The following CERS4 variants were observed in gnomAD, a reference collection of about 807,000 sequenced individuals.
CERS4 encodes ceramide synthase 4, also known as LAG1 homolog, ceramide synthase 4.
CERS4 carries 65 observed loss-of-function variants against 51.8 expected under a neutral mutation model. The ratio of observed to expected loss-of-function variants is 1.26; its 90% CI spans 1.03 to 1.54. The LOEUF (loss-of-function observed/expected upper bound fraction) is 1.54. Ranked by LOEUF, CERS4 falls within the 40% of genes most tolerant of loss-of-function variation. CERS4 has a pLI of 0.00. For synonymous variants in CERS4, 228 were observed against 208.4 expected, an observed-to-expected ratio of 1.09 and a Z score of -0.81; for missense variants, 563 against 500.4, an observed-to-expected ratio of 1.13 and a Z score of -1.19.
At chr19:8,260,009 T>A (rs36253) in intron 10 of CERS4, among the ~76,000 whole-genome samples, 1 of 151,606 alleles carries the variant, frequency 6.6e-6, no homozygotes, top group Non-Finnish European at 1.5e-5. Flanking sequence ...TAGGCAGAAG[T>A]GGCTGTGAGA....
intron 2 of CERS4, 167 bp from the exon 3 acceptor site, chr19:8,250,908 TC>T: frequency 5.5e-6 from 8 of 1,445,870 alleles, no homozygotes; most frequent in South Asian, 3.1e-5. Context: ...AGAGGACAGT[TC>T]CAAAGTCCCA....
In CERS4 at chr19:8,222,479, C is replaced by A. The variant is rs887853442; in HGVS notation, c.-2+11617C>A. On this transcript the variant is annotated intron_variant, in intron 2 of 11. Transcript: ENST00000251363. ...ACAGGCGTGAGTCACTGTGCCTGGC[C>A]AGCATGAGCCTTTTTTATTTATTTA... Among the ~76,000 whole-genome samples, 3 of 151,652 alleles carry A rather than the reference C, an allele frequency of 2.0e-5. No homozygotes were observed. In the South Asian group the frequency reaches 6.2e-4, roughly 32 times the overall value.
chr19:8,221,186 C>T (rs1967525839), intron 2 of CERS4, among the ~76,000 whole-genome samples: 2 of 149,048 alleles, frequency 1.3e-5, no homozygotes, highest in African/African-American at 5.0e-5. Context: ...TCAGGCTGGT[C>T]TTGAACTGCT....
At chr19:8,255,548 A>C in intron 4 of CERS4, 59 bp from the exon 5 acceptor site, 1 of 1,456,312 alleles carries the variant, frequency 6.9e-7, no homozygotes, top group Non-Finnish European at 9.4e-7. Flanking sequence ...CTGTCTGGGG[A>C]CATGGGGGAA....
chr19:8,247,542 C>T (rs1380757877), intron 2 of CERS4, among the ~76,000 whole-genome samples: 1 of 152,106 alleles, frequency 6.6e-6, no homozygotes, highest in Non-Finnish European at 1.5e-5. Flanking sequence ...ACATCAGCTT[C>T]CTGAATAGCT....
chr19:8,234,636 T>C (rs1273036238), intron 2 of CERS4, among the ~76,000 whole-genome samples: 1 of 144,932 alleles, frequency 6.9e-6, no homozygotes, highest in East Asian at 2.2e-4. Flanking sequence ...TCACTGCAAC[T>C]TCTGCTTCCC....
rs938501232 is a variant in CERS4, at chr19:8,255,964, C to T, written c.468+85C>T. 4.7e-5 allele frequency: 67 copies of T among 1,434,120 alleles called. No homozygotes were observed. In the South Asian group the frequency reaches 5.4e-4, roughly 12 times the overall value. The allele number at this position is 1,434,120 out of a possible 1,614,324, so 88.8% of individuals were successfully genotyped here. On this transcript the variant is annotated intron_variant, in intron 6 of 11. Coordinates refer to ENST00000251363, the MANE Select transcript of CERS4 (RefSeq NM_024552.3). The stretch of plus-strand genomic sequence containing the variant: ...GCAGGAGTGGGGGTGTGGAGTGGTG[C>T]AGCCAGAGAGGAAAACATGCAGCTG...
At chr19:8,224,235 T>C (rs1026760225) in intron 2 of CERS4, among the ~76,000 whole-genome samples, 2 of 151,352 alleles carry the variant, frequency 1.3e-5, no homozygotes, top group Non-Finnish European at 2.9e-5. Flanking sequence ...GGTGAAACCC[T>C]GTCTCTACTA....
chr19:8,233,197 G>A (rs895111095), intron 2 of CERS4, among the ~76,000 whole-genome samples: 4 of 151,734 alleles, frequency 2.6e-5, no homozygotes, highest in African/African-American at 9.7e-5. Flanking sequence ...GCGGAGTCTT[G>A]CTCTGTCACC....
At chr19:8,238,357 G>A (rs1345602785) in intron 2 of CERS4, among the ~76,000 whole-genome samples, 2 of 152,098 alleles carry the variant, frequency 1.3e-5, no homozygotes, top group African/African-American at 2.4e-5. Context: ...CTCTTAAATA[G>A]GGATTTTAAT....
chr19:8,250,888 T>C (rs1969042459), intron 2 of CERS4, 188 bp from the exon 3 acceptor site: 2 of 1,421,436 alleles, frequency 1.4e-6, no homozygotes, highest in Non-Finnish European at 1.8e-6. Context: ...GTGGTGGCTC[T>C]TCTGGGACCA....
chr19:8,245,571 G>A (rs559357995), intron 2 of CERS4, among the ~76,000 whole-genome samples: 2 of 150,868 alleles, frequency 1.3e-5, no homozygotes, highest in Non-Finnish European at 2.9e-5. Flanking sequence ...ATGAAGTCTC[G>A]CTCTCTCACC....
Position 8,254,504 on chromosome 19 carries a change from T to C in CERS4, c.179T>C (p.Ile60Thr), listed in dbSNP as rs556765178. 18 of 1,613,682 alleles carry C rather than the reference T, an allele frequency of 1.1e-5. No individual in the cohort carries two copies. Among genetic ancestry groups the C allele is most frequent in the Middle Eastern group, 1.7e-4 (1 of 6,060 alleles). Residue 60 changes from isoleucine to threonine, a missense_variant, in exon 4 of 12, where the codon ATT becomes ACT. By Grantham distance (89) the Ile-to-Thr change is moderately conservative (BLOSUM62 -1). Transcript: ENST00000251363. The stretch of plus-strand genomic sequence containing the variant: ...TCTGTCTCCTTTGCACCCAGATTCA[T>C]TGGCCTGCCCCTGAGCCGGTGGCTG... Reference protein sequence around the residue: ...LAMRLAFERFIGLPLSRWLGV... With the variant: ...LAMRLAFERFTGLPLSRWLGV...
chr19:8,253,920 C>T (rs1053814607), intron 3 of CERS4, among the ~76,000 whole-genome samples: 2 of 152,098 alleles, frequency 1.3e-5, no homozygotes, highest in South Asian at 2.1e-4. Context: ...CAGGCCACCC[C>T]TCCAGGGCCC....
intron 9 of CERS4, among the ~76,000 whole-genome samples, chr19:8,257,465 A>G (rs1049367305): frequency 2.0e-5 from 3 of 151,252 alleles, no homozygotes; most frequent in Non-Finnish European, 4.4e-5. Flanking sequence ...ACGGAGTCTC[A>G]CTCTCTTGCC....
intron 2 of CERS4, among the ~76,000 whole-genome samples, chr19:8,244,999 C>G (rs1476490555): frequency 6.6e-6 from 1 of 151,440 alleles, no homozygotes; most frequent in Non-Finnish European, 1.5e-5. Context: ...AAAAAATTAG[C>G]CGGGCGTAGT....
intron 3 of CERS4, among the ~76,000 whole-genome samples, chr19:8,251,575 G>A (rs1969082519): frequency 6.6e-6 from 1 of 152,228 alleles, no homozygotes; most frequent in Non-Finnish European, 1.5e-5. Flanking sequence ...ACTTTGAGAG[G>A]CTGAGGCGGG....
At chr19:8,216,815 G>T (rs1967319943) in intron 2 of CERS4, among the ~76,000 whole-genome samples, 1 of 152,094 alleles carries the variant, frequency 6.6e-6, no homozygotes, top group Admixed American at 6.6e-5. Flanking sequence ...GGTTGGACTT[G>T]GGGGGCGGAT....
At chr19:8,255,545 G>A in intron 4 of CERS4, 62 bp from the exon 5 acceptor site, 1 of 1,434,222 alleles carries the variant, frequency 7.0e-7, no homozygotes, top group South Asian at 1.3e-5. Flanking sequence ...GTCCTGTCTG[G>A]GGACATGGGG....
Sources: allele counts gnomAD v4.1 joint callset (sites outside exome capture counted in the v4.1 genomes callset), GRCh38; gene constraint gnomAD v4.1.1; transcripts MANE v1.5; gene names NCBI Gene and HGNC (gene_info 2026-07-23, HGNC 2026-07-21).